Variants in METTL15 observed in about 807,000 individuals in gnomAD.
METTL15 encodes the protein 12S rRNA N(4)-cytidine methyltransferase METTL15.
In METTL15, 34 loss-of-function variants were observed where a neutral mutation model predicts 38.3. That is an observed-to-expected ratio of 0.89 (90% confidence interval 0.68 to 1.18). The LOEUF is 1.18. METTL15 is among the 50% of genes most tolerant of loss of function. The pLI is 0.00. For synonymous variants in METTL15, 162 were observed against 170.9 expected (o/e 0.95, Z 0.41); for missense variants, 438 against 498.4 (o/e 0.88, Z 1.15).
intron 5 of METTL15, among the ~76,000 whole-genome samples, chr11:28,368,504 A>G (rs189632552): frequency 6.6e-6 from 1 of 152,318 alleles, no homozygotes; most frequent in East Asian, 1.9e-4. Context: ...AGGAAACAAC[A>G]GATCCTGGAG....
At chr11:28,340,301 A>T (rs915445941) in intron 3 of METTL15, among the ~76,000 whole-genome samples, 1 of 152,154 alleles carries the variant, frequency 6.6e-6, no homozygotes, top group African/African-American at 2.4e-5. Flanking sequence ...ATATGCTTGT[A>T]TTAAAAAATA....
chr11:28,323,230 A>T (rs935202490), intron 6 of METTL15, among the ~76,000 whole-genome samples: 42 of 151,686 alleles, frequency 2.8e-4, no homozygotes, highest in African/African-American at 9.9e-4. Flanking sequence ...GACTGTGTTT[A>T]TAACTTGGAA....
At chr11:28,470,286 A>G (rs185032612) in intron 6 of METTL15, among the ~76,000 whole-genome samples, 1 of 152,268 alleles carries the variant, frequency 6.6e-6, no homozygotes, top group African/African-American at 2.4e-5. Context: ...ATCTTTTTAC[A>G]TAGTAATAGA....
intron 5 of METTL15, among the ~76,000 whole-genome samples, chr11:28,409,088 A>G (rs915157198): frequency 1.3e-5 from 2 of 152,120 alleles, no homozygotes; most frequent in Non-Finnish European, 2.9e-5. Flanking sequence ...TTATTTTAAG[A>G]ATATTTAAAT....
intron 6 of METTL15, among the ~76,000 whole-genome samples, chr11:28,485,499 T>C (rs764927680): frequency 7.2e-5 from 11 of 152,136 alleles, no homozygotes; most frequent in South Asian, 6.2e-4. Context: ...AGGATGAGTA[T>C]GGAAACATTA....
chr11:28,474,209 A>G (rs972104773), intron 6 of METTL15, among the ~76,000 whole-genome samples: 2 of 151,824 alleles, frequency 1.3e-5, no homozygotes. Flanking sequence ...AATATTTAAT[A>G]CATATTAAAT....
chr11:28,247,398 A>C (rs1038980712), intron 4 of METTL15, among the ~76,000 whole-genome samples: 3 of 152,110 alleles, frequency 2.0e-5, no homozygotes, highest in African/African-American at 7.2e-5. Flanking sequence ...TTATAATAAC[A>C]GTTTTAATTT....
At chr11:28,398,582 CAG>C (rs1208845156) in intron 5 of METTL15, among the ~76,000 whole-genome samples, 8 of 152,098 alleles carry the variant, frequency 5.3e-5, no homozygotes, top group Non-Finnish European at 8.8e-5. Flanking sequence ...AGCCCCTTGT[CAG>C]ATGGATAGAT....
intron 2 of METTL15, among the ~76,000 whole-genome samples, chr11:28,111,368 A>G (rs1206297958): frequency 6.6e-6 from 1 of 152,216 alleles, no homozygotes; most frequent in Non-Finnish European, 1.5e-5. Flanking sequence ...AAATCTGGAC[A>G]TATAGGGTAG....
intron 6 of METTL15, among the ~76,000 whole-genome samples, chr11:28,460,631 A>T (rs1382844706): frequency 6.6e-6 from 1 of 152,114 alleles, no homozygotes; most frequent in Admixed American, 6.6e-5. Context: ...TGACTGGTAT[A>T]TGCTCCCTGC....
intron 3 of METTL15, among the ~76,000 whole-genome samples, chr11:28,179,781 T>C (rs1430009670): frequency 6.6e-6 from 1 of 151,764 alleles, no homozygotes; most frequent in Non-Finnish European, 1.5e-5. Flanking sequence ...CAGGAGCATA[T>C]AGCTAATAGT....
intron 6 of METTL15, among the ~76,000 whole-genome samples, chr11:28,456,856 G>A (rs188752686): frequency 3.3e-5 from 5 of 152,264 alleles, no homozygotes; most frequent in East Asian, 1.9e-4. Flanking sequence ...CACCAGATAT[G>A]TGGATGAAGA....
intron 6 of METTL15, among the ~76,000 whole-genome samples, chr11:28,311,997 A>G (rs766201370): frequency 2.0e-4 from 31 of 152,218 alleles, no homozygotes; most frequent in Non-Finnish European, 3.2e-4. Context: ...GCAATGTAAG[A>G]AAGCTGAGAC....
At chr11:28,481,052 TG>T (rs1851391165) in intron 6 of METTL15, among the ~76,000 whole-genome samples, 1 of 152,202 alleles carries the variant, frequency 6.6e-6, no homozygotes, top group African/African-American at 2.4e-5. Flanking sequence ...AGAAATGTTA[TG>T]TTTTCATAAT....
At chr11:28,360,692 T>A (rs1178185040) in intron 4 of METTL15, among the ~76,000 whole-genome samples, 2 of 152,018 alleles carry the variant, frequency 1.3e-5, no homozygotes, top group African/African-American at 4.8e-5. Flanking sequence ...AGTTTTAGGG[T>A]ACATGTGGAC....
intron 4 of METTL15, among the ~76,000 whole-genome samples, chr11:28,357,568 A>C (rs1392201829): frequency 6.6e-6 from 1 of 152,192 alleles, no homozygotes; most frequent in Non-Finnish European, 1.5e-5. Flanking sequence ...TTCTCTGTCA[A>C]ATAACCACAG....
At chr11:28,372,080 A>G (rs189864456) in intron 5 of METTL15, among the ~76,000 whole-genome samples, 93 of 152,212 alleles carry the variant, frequency 6.1e-4, no homozygotes, top group African/African-American at 2.2e-3. Flanking sequence ...CTCAGTGGAA[A>G]TGCTTTCAAG....
At chr11:28,326,009 A>G (rs754491938) in intron 6 of METTL15, among the ~76,000 whole-genome samples, 34 of 152,308 alleles carry the variant, frequency 2.2e-4, no homozygotes, top group Non-Finnish European at 4.4e-4. Flanking sequence ...CTCTCATCAA[A>G]CCTAATGACA....
intron 6 of METTL15, among the ~76,000 whole-genome samples, chr11:28,452,418 A>G (rs1448154763): frequency 6.6e-6 from 1 of 152,184 alleles, no homozygotes; most frequent in Non-Finnish European, 1.5e-5. Context: ...TGACAGCAAT[A>G]CAATTCAAGG....
Sources: gnomAD v4.1 joint callset for allele counts (sites outside exome capture counted in the v4.1 genomes callset) on GRCh38, gnomAD v4.1.1 for gene constraint, MANE v1.5 for transcripts, NCBI Gene and HGNC (gene_info 2026-07-23, HGNC 2026-07-21) for gene names.